The following SETD5 variants were observed in gnomAD, a reference collection of about 807,000 sequenced individuals.
SETD5 encodes the protein histone-lysine N-methyltransferase SETD5.
SETD5 carries 44 observed loss-of-function variants against 153.3 expected under a neutral mutation model. The observed-to-expected ratio is 0.29, with a 90% CI of 0.23 to 0.37. The LOEUF (loss-of-function observed/expected upper bound fraction) is 0.37. SETD5 is among the 10% of genes least tolerant of loss of function. SETD5 has a pLI of 1.00. For missense variants in SETD5, 1,544 were observed against 1,768.0 expected, an observed-to-expected ratio of 0.87 and a Z score of 2.27; for synonymous variants, 716 against 645.2, an observed-to-expected ratio of 1.11 and a Z score of -1.66.
intron 2 of SETD5, among the ~76,000 whole-genome samples, chr3:9,427,125 ATCCT>A (rs1278535926): frequency 1.3e-5 from 2 of 152,116 alleles, no homozygotes; most frequent in Non-Finnish European, 2.9e-5. Flanking sequence ...GACTCAAGTG[ATCCT>A]TCCACCTTGG....
Position 9,412,394 on chromosome 3 carries a change from T to TTTTTTG in SETD5, c.-176-12068_-176-12067insGTTTTT, listed in dbSNP as rs1553607025. 4.4e-5 allele frequency among the ~76,000 whole-genome samples: 6 copies of TTTTTTG among 137,050 alleles called. No homozygotes were observed. The East Asian group carries it at 8.4e-4, about 19-fold the overall frequency. The allele number at this position is 137,050 out of a possible 152,430, so 89.9% of individuals were successfully genotyped here. On this transcript the variant is annotated intron_variant, in intron 1 of 22. Coordinates refer to ENST00000402198, the MANE Select transcript of SETD5 (RefSeq NM_001080517.3). Reference sequence around the variant, plus strand: ...TACAGTGCACAGTTTTGGGTTTTTTTTTTTTTTTTTTTTTTTTTTTTTTAA... The same window carrying TTTTTTG: ...TACAGTGCACAGTTTTGGGTTTTTTTTTTTTGTTTTTTTTTTTTTTTTTTTTTTTAA...
chr3:9,398,443 C>G (rs1308516721), intron 1 of SETD5: 1 of 152,150 alleles, frequency 6.6e-6, no homozygotes, highest in Non-Finnish European at 1.5e-5. Flanking sequence ...CCGCGATCTC[C>G]CCTCCGTAAT....
intron 2 of SETD5, among the ~76,000 whole-genome samples, 192 bp downstream of exon 2, chr3:9,424,718 T>C (rs909269134): frequency 6.6e-6 from 1 of 152,246 alleles, no homozygotes; most frequent in Non-Finnish European, 1.5e-5. Context: ...TCATAGAGTT[T>C]ATATTCTGGT....
chr3:9,405,378 T>C (rs1426561457), intron 1 of SETD5, among the ~76,000 whole-genome samples: 1 of 152,248 alleles, frequency 6.6e-6, no homozygotes, highest in Non-Finnish European at 1.5e-5. Context: ...CCTCTATGTA[T>C]GTTTACCCTA....
At chr3:9,412,927 C>T (rs1314802512) in intron 1 of SETD5, among the ~76,000 whole-genome samples, 1 of 151,268 alleles carries the variant, frequency 6.6e-6, no homozygotes, top group African/African-American at 2.4e-5. Flanking sequence ...CAAGGTCTTG[C>T]TATGTTGCCC....
At chr3:9,447,541 T>A (rs1439020711) in intron 14 of SETD5, 145 bp from the exon 15 acceptor site, 5 of 1,078,028 alleles carry the variant, frequency 4.6e-6, no homozygotes, top group Non-Finnish European at 6.5e-6. Context: ...TACATTTTTG[T>A]ATTTAAAAAT....
chr3:9,429,305 T>C (rs1271001907), intron 3 of SETD5: 1 of 219,310 alleles, frequency 4.6e-6, no homozygotes, highest in East Asian at 1.2e-4. Flanking sequence ...ATAAAGTAGG[T>C]GTTACTACCT....
intron 19 of SETD5, among the ~76,000 whole-genome samples, chr3:9,471,323 C>T (rs1036379145): frequency 6.6e-6 from 1 of 152,162 alleles, no homozygotes; most frequent in South Asian, 2.1e-4. Flanking sequence ...GTAACTTTCC[C>T]GTGGTCACAC....
chr3:9,468,435 C>A (rs1260922476), intron 18 of SETD5: 2 of 1,222,738 alleles, frequency 1.6e-6, no homozygotes, highest in Non-Finnish European at 1.1e-6. Context: ...TGGCTAACAT[C>A]TATGCTTGCT....
rs1328074257 is a variant in SETD5 at position 9,476,155 on chromosome 3, G to C, written c.*64G>C. 3 of 1,548,476 alleles carry C rather than the reference G, an allele frequency of 1.9e-6. No homozygotes were observed. The African/African-American group carries it at 4.1e-5, about 21-fold the overall frequency. On this transcript the variant is annotated 3_prime_UTR_variant, in exon 23 of 23. Coordinates refer to ENST00000402198, the MANE Select transcript of SETD5 (RefSeq NM_001080517.3). ...TAGCTGCTTCCTTCCAGCTGCCTCT[G>C]GAACCTAGGCCGAGCATATTGCTGA...
intron 2 of SETD5, among the ~76,000 whole-genome samples, chr3:9,427,857 A>G (rs774642143): frequency 1.5e-4 from 23 of 152,094 alleles, no homozygotes; most frequent in African/African-American, 5.3e-4. Flanking sequence ...CCTCTGCACC[A>G]TACCTCCAAA....
chr3:9,473,665 A>T lies in SETD5; in HGVS notation c.3497+128A>T, dbSNP rs544258126. ...GGAACATCTGAGACAGCCAGCCAAC[A>T]GTACCATCTGTCCTGTTCAGCTGAT... On this transcript the variant is annotated intron_variant, in intron 20 of 22. Transcript: ENST00000402198. 5 of 942,308 alleles carry T rather than the reference A, an allele frequency of 5.3e-6. No individual in the cohort carries two copies. In the South Asian group the frequency reaches 8.3e-5, roughly 16 times the overall value. 58.4% of individuals were successfully genotyped at this position (942,308 alleles called of 1,614,324 possible).
intron 1 of SETD5, among the ~76,000 whole-genome samples, chr3:9,416,337 T>C (rs1420662675): frequency 1.3e-5 from 2 of 152,214 alleles, no homozygotes; most frequent in Non-Finnish European, 2.9e-5. Flanking sequence ...TCACACTCAC[T>C]GTCTGCCTGC....
intron 1 of SETD5, among the ~76,000 whole-genome samples, chr3:9,416,438 A>G (rs2037476828): frequency 6.6e-6 from 1 of 152,186 alleles, no homozygotes; most frequent in Admixed American, 6.5e-5. Flanking sequence ...TCATGTATGT[A>G]CTTGCAGTTA....
chr3:9,434,396 C>T lies in SETD5; in HGVS notation c.240C>T (p.Asp80=). 1 of 1,614,010 alleles carries T rather than the reference C, an allele frequency of 6.2e-7. No homozygotes were observed. Among genetic ancestry groups the T allele is most frequent in the Non-Finnish European group, 8.5e-7 (1 of 1,179,908 alleles). Residue 80 remains aspartate, a synonymous_variant, in exon 5 of 23, where the codon GAC becomes GAT. Coordinates refer to ENST00000402198, the MANE Select transcript of SETD5 (RefSeq NM_001080517.3). This position sits in a 1 kb window ranked among gnomAD's most constrained non-coding sequence, Gnocchi z 5.6. ...LPSPVEERCG[D]SPNSEGETVP... is the part of the protein sequence containing the mutation. ...CGCCTGTAGAGGAACGCTGTGGAGA[C>T]AGCCCGAACTCTGAAGGAGAAACTG...
rs2040500196 is a variant in SETD5, at chr3:9,435,801, G to A, written c.462G>A (p.Gln154=). Reference sequence around the variant, plus strand: ...CCACTGTGTTGTATACAGCAACACAGCACACACCTACAAGCATCACCTTAA... The same window carrying A: ...CCACTGTGTTGTATACAGCAACACAACACACACCTACAAGCATCACCTTAA... ...SPSTVLYTAT[Q]HTPTSITLTV... Residue 154 remains glutamine (Q), a synonymous_variant, in exon 7 of 23, where the codon CAG becomes CAA. Transcript: ENST00000402198. 1 of 1,603,010 alleles carries A rather than the reference G, an allele frequency of 6.2e-7. No homozygotes were observed. Among genetic ancestry groups the A allele is most frequent in the Admixed American group, 1.7e-5 (1 of 58,140 alleles).
At chr3:9,422,493 GT>G (rs1350239696) in intron 1 of SETD5, among the ~76,000 whole-genome samples, 1 of 151,976 alleles carries the variant, frequency 6.6e-6, no homozygotes, top group Non-Finnish European at 1.5e-5. Context: ...TCCCAAAAAG[GT>G]TTTCTTATGA....
In SETD5 at chr3:9,447,284, A is replaced by G. The variant is rs1397002682; in HGVS notation, c.1759A>G (p.Thr587Ala). 1 of 1,613,484 alleles carries G rather than the reference A, an allele frequency of 6.2e-7. No individual in the cohort carries two copies. The highest frequency in any genetic ancestry group is 1.1e-5 in the South Asian group (1 of 90,956). ...PSTPQSVGVN[T>A]RRSSQAGDIA... Reference sequence around the variant, plus strand: ...CACCCCACAGAGTGTTGGTGTGAATACCCGGAGGTCTTCCCAAGCAGGGGT... The same window carrying G: ...CACCCCACAGAGTGTTGGTGTGAATGCCCGGAGGTCTTCCCAAGCAGGGGT... Residue 587 changes from threonine (T) to alanine (A), a missense_variant, in exon 14 of 23, where the codon ACC becomes GCC. Thr to Ala is a moderately conservative substitution (Grantham distance 58). Transcript: ENST00000402198.
At chr3:9,409,574 G>C (rs146596172) in intron 1 of SETD5, among the ~76,000 whole-genome samples, 1 of 152,036 alleles carries the variant, frequency 6.6e-6, no homozygotes, top group Non-Finnish European at 1.5e-5. Flanking sequence ...AGATGTTCTA[G>C]GATAATTTTG....
Sources: gnomAD v4.1 joint callset for allele counts (sites outside exome capture counted in the v4.1 genomes callset) on GRCh38, gnomAD v4.1.1 for gene constraint, Gnocchi (gnomAD v3.1) non-coding constraint, MANE v1.5 for transcripts, NCBI Gene and HGNC (gene_info 2026-07-23, HGNC 2026-07-21) for gene names.